PIEZO1: variants seen among roughly 807,000 people sequenced by gnomAD.
PIEZO1 encodes piezo-type mechanosensitive ion channel component 1.
A neutral mutation model predicts 297.2 loss-of-function variants in PIEZO1; 296 were observed. The observed-to-expected ratio is 1.00, with a 90% CI of 0.91 to 1.10. The LOEUF is 1.10. PIEZO1 is among the 50% of genes least tolerant of loss of function. The probability of loss-of-function intolerance (pLI) is 0.00; values close to 1 mark genes in which losing one functional copy is unlikely to be tolerated. For synonymous variants in PIEZO1, 2,427 were observed against 1,507.5 expected, an observed-to-expected ratio of 1.61 and a Z score of -14.13; for missense variants, 5,018 against 3,455.5, an observed-to-expected ratio of 1.45 and a Z score of -11.34.
At chr16:88,740,150 G>A (rs1597463536) in intron 5 of PIEZO1, 1 of 152,262 alleles carries the variant, frequency 6.6e-6, no homozygotes, top group African/African-American at 2.4e-5. Flanking sequence ...GGCACACTCC[G>A]TCGCATGCCT....
chr16:88,778,917 C>T (rs1907799095), intron 1 of PIEZO1, among the ~76,000 whole-genome samples: 1 of 152,122 alleles, frequency 6.6e-6, no homozygotes, highest in South Asian at 2.1e-4. Flanking sequence ...GGGAGAGAGA[C>T]CCAGAGAGCG....
In PIEZO1 at chr16:88,785,070, G is replaced by T. The variant is rs1046171337; in HGVS notation, c.-106C>A. On this transcript the variant is annotated 5_prime_UTR_variant, in exon 1 of 51. Coordinates refer to ENST00000301015, the MANE Select transcript of PIEZO1 (RefSeq NM_001142864.4). ...CGCCATGGCTGACCCGCGGGGACCC[G>T]CGCGCCGCCTTCTCCTCTTCCTCCT... The T allele has an allele frequency of 1.6e-6, 1 of 610,872 alleles. No individual in the cohort carries two copies. The highest frequency in any genetic ancestry group is 7.9e-5 in the South Asian group (1 of 12,690). The allele number at this position is 610,872 out of a possible 1,614,324, so 37.8% of individuals were successfully genotyped here. A position where few individuals can be genotyped will look rare whatever the true frequency, so the allele number is the denominator to read the frequency against.
rs139104943 is a variant in PIEZO1 at position 88,779,627 on chromosome 16, C to T, written c.64+5274G>A. On this transcript the variant is annotated intron_variant, in intron 1 of 50. Coordinates refer to ENST00000301015, the MANE Select transcript of PIEZO1 (RefSeq NM_001142864.4). ...GGATGCATGAATGAATCTGAGTGGT[C>T]GGGAATCTGCAGTGGGATGGGCTGG... Among the ~76,000 whole-genome samples, 924 of 152,238 alleles carry T rather than the reference C, an allele frequency of 6.1e-3. 23 individuals are homozygous for T. The highest frequency in any genetic ancestry group is 0.042 in the Admixed American group (646 of 15,296).
At chr16:88,716,994 A>T in intron 45 of PIEZO1, 29 bp downstream of exon 45, 1 of 1,549,136 alleles carries the variant, frequency 6.5e-7, no homozygotes, top group Non-Finnish European at 8.7e-7. Flanking sequence ...AGGGGATGGG[A>T]ATGGACAGGC....
chr16:88,735,313 C>T (rs1407613468), intron 12 of PIEZO1, 67 bp from the exon 13 acceptor site: 6 of 1,118,384 alleles, frequency 5.4e-6, no homozygotes, highest in South Asian at 2.7e-5. Context: ...CCGGGGGACC[C>T]AGCACCCTCC....
intron 22 of PIEZO1, among the ~76,000 whole-genome samples, chr16:88,728,940 T>C (rs1435615494): frequency 4.5e-4 from 13 of 29,100 alleles, no homozygotes; most frequent in East Asian, 1.3e-3. Flanking sequence ...CATGCTGAAC[T>C]CACAGCCCCA....
chr16:88,731,908 G>A lies in PIEZO1; in HGVS notation c.2994C>T (p.Ile998=). ...NFFFYKFGLE[I]CFLMAVNVIG... is the part of the protein sequence containing the mutation. ...TCACGTTCACGGCCATCAGGAAGCAGATCTGGGGAGGGGAGAGGGCGGGGT... is the reference window on the plus strand; with the variant it reads ...TCACGTTCACGGCCATCAGGAAGCAAATCTGGGGAGGGGAGAGGGCGGGGT... Residue 998 remains isoleucine, a splice_region_variant and synonymous_variant, in exon 22 of 51, where the codon ATC becomes ATT. Transcript: ENST00000301015. 2.1e-6 allele frequency: 2 copies of A among 960,358 alleles called. No homozygotes were observed. The highest frequency in any genetic ancestry group is 1.6e-5 in the South Asian group (1 of 60,964). 59.5% of individuals were successfully genotyped at this position (960,358 alleles called of 1,614,324 possible). A position where few individuals can be genotyped will look rare whatever the true frequency, so the allele number is the denominator to read the frequency against.
Position 88,734,916 on chromosome 16 carries a change from C to T in PIEZO1, c.1807G>A (p.Val603Ile), listed in dbSNP as rs1905102953. 6.4e-7 allele frequency: 1 copy of T among 1,550,424 alleles called. No individual in the cohort carries two copies. Among genetic ancestry groups the T allele is most frequent in the Non-Finnish European group, 8.7e-7 (1 of 1,146,974 alleles). ...CAGAGCAGGAAGAGGAACATGTAGA[C>T]AATCTTGTAGACCACGAGGCGGCCG... ...FAGRLVVYKI[V>I]YMFLFLLCLT... The change falls in exon 14 of 51, where the codon GTC (valine) becomes ATC (isoleucine). Residue 603 changes from valine (V) to isoleucine (I), a missense_variant. Coordinates refer to ENST00000301015, the MANE Select transcript of PIEZO1 (RefSeq NM_001142864.4).
chr16:88,733,690 G>C lies in PIEZO1; in HGVS notation c.2385C>G (p.Phe795Leu). Residue 795 changes from phenylalanine (F) to leucine (L), a missense_variant, in exon 18 of 51, where the codon TTC (phenylalanine) becomes TTG (leucine). Physicochemically the swap from Phe to Leu is conservative, Grantham distance 22 (BLOSUM62 0). Coordinates refer to ENST00000301015, the MANE Select transcript of PIEZO1 (RefSeq NM_001142864.4). ...AERLLELAAG[F>L]SDVLSRVQVF... Reference sequence around the variant, plus strand: ...CCTGCACGCGTGAGAGGACGTCCGAGAAGCCGGCTGCCAGCTCCAGCAGCC... The same window carrying C: ...CCTGCACGCGTGAGAGGACGTCCGACAAGCCGGCTGCCAGCTCCAGCAGCC... 1 of 1,549,206 alleles carries C rather than the reference G, an allele frequency of 6.5e-7. No individual in the cohort carries two copies. The highest frequency in any genetic ancestry group is 8.7e-7 in the Non-Finnish European group (1 of 1,146,386).
chr16:88,730,200 C>T (rs1232452278), intron 22 of PIEZO1, among the ~76,000 whole-genome samples: 2 of 152,264 alleles, frequency 1.3e-5, no homozygotes, highest in African/African-American at 2.4e-5. Context: ...CTCTAAACCT[C>T]ACGCTCCTAG....
rs1339064718 is a variant in PIEZO1, at chr16:88,749,476, C to A, written c.68G>T (p.Cys23Phe). 6.6e-7 allele frequency: 1 copy of A among 1,525,636 alleles called. No individual in the cohort carries two copies. The highest frequency in any genetic ancestry group is 1.2e-5 in the South Asian group (1 of 82,126). The allele number at this position is 1,525,636 out of a possible 1,614,324, so 94.5% of individuals were successfully genotyped here. A position where few individuals can be genotyped will look rare whatever the true frequency, so the allele number is the denominator to read the frequency against. ...CGAGAGTCCGCTGAAGCGGAGCAGG[C>A]AGGCTGCGGGGAGATGGGCGTTAAC... ...LLLPCALLAA[C>F]LLRFSGLSLV... is the part of the protein sequence containing the mutation. Residue 23 changes from cysteine (C) to phenylalanine (F), a missense_variant, in exon 2 of 51, where the codon TGC becomes TTC. Physicochemically the swap from Cys to Phe is radical, Grantham distance 205. Transcript: ENST00000301015.
chr16:88,722,524 C>A, intron 35 of PIEZO1, 59 bp downstream of exon 35: 1 of 1,439,658 alleles, frequency 6.9e-7, no homozygotes, highest in Non-Finnish European at 9.3e-7. Flanking sequence ...TCGGGGATGG[C>A]TAGGCGATGC....
At chr16:88,779,188 G>A (rs1472884032) in intron 1 of PIEZO1, among the ~76,000 whole-genome samples, 6 of 151,908 alleles carry the variant, frequency 3.9e-5, no homozygotes, top group African/African-American at 9.7e-5. Flanking sequence ...ACAGGTGCCC[G>A]CCACCATGCC....
chr16:88,741,116 G>A, intron 5 of PIEZO1: 1 of 177,218 alleles, frequency 5.6e-6, no homozygotes, highest in Non-Finnish European at 1.2e-5. Context: ...GCCTGCTGGG[G>A]CCGCCCCTTC....
chr16:88,722,791 G>A lies in PIEZO1; in HGVS notation c.4668+46C>T, dbSNP rs117952640. The stretch of plus-strand genomic sequence containing the variant: ...ACTAGGCTGTTAAGCAGGCAGGGGC[G>A]TAGTCAGGCAGAGCAGGGACGAGCG... On this transcript the variant is annotated intron_variant, in intron 34 of 50. Transcript: ENST00000301015. 0.018 allele frequency: 27,116 copies of A among 1,533,300 alleles called. 621 individuals carry two copies. Among genetic ancestry groups the A allele is most frequent in the South Asian group, 0.077 (6,459 of 83,872 alleles). 95.0% of individuals were successfully genotyped at this position (1,533,300 alleles called of 1,614,324 possible). A position where few individuals can be genotyped will look rare whatever the true frequency, so the allele number is the denominator to read the frequency against.
chr16:88,732,832 C>T, intron 19 of PIEZO1, 100 bp from the exon 20 acceptor site: 3 of 1,191,508 alleles, frequency 2.5e-6, no homozygotes, highest in Non-Finnish European at 3.5e-6. Context: ...AGGTCCACTG[C>T]TCCCCAGCCA....
At position 88,731,690 on chromosome 16, in the gene PIEZO1, G is replaced by A; in HGVS notation, c.3196+16C>T. 6.5e-7 allele frequency: 1 copy of A among 1,546,216 alleles called. No individual in the cohort carries two copies. The highest frequency in any genetic ancestry group is 8.7e-7 in the Non-Finnish European group (1 of 1,144,206). ...AGCCACAAAGCCCACTCCCACCCAA[G>A]CCACGTGCCCCTCACCAATGCACAG... is the stretch of plus-strand genomic sequence containing the variant. On this transcript the variant is annotated intron_variant, in intron 22 of 50. Coordinates refer to ENST00000301015, the MANE Select transcript of PIEZO1 (RefSeq NM_001142864.4).
chr16:88,733,631 A>C lies in PIEZO1; in HGVS notation c.2444T>G (p.Phe815Cys), dbSNP rs888324060. The C allele has an allele frequency of 6.5e-7, 1 of 1,549,554 alleles. No individual in the cohort carries two copies. ...FLRRLLELHVFKLVALYTVWV... is the reference protein window; with the variant it reads ...FLRRLLELHVCKLVALYTVWV... ...GACGGTGTACAGGGCCACCAGCTTG[A>C]AAACGTGAAGCTCCAGCAGCCGCCG... Residue 815 changes from phenylalanine to cysteine, a missense_variant, in exon 18 of 51, where the codon TTC (phenylalanine) becomes TGC (cysteine). Coordinates refer to ENST00000301015, the MANE Select transcript of PIEZO1 (RefSeq NM_001142864.4).
In PIEZO1 at chr16:88,722,108, C is replaced by G. The variant is rs1032777455; in HGVS notation, c.4956-42G>C. 3.3e-6 allele frequency: 5 copies of G among 1,530,814 alleles called. No homozygotes were observed. The African/African-American group carries it at 4.1e-5, about 13-fold the overall frequency. 94.8% of individuals were successfully genotyped at this position (1,530,814 alleles called of 1,614,324 possible). On this transcript the variant is annotated intron_variant, in intron 36 of 50. Coordinates refer to ENST00000301015, the MANE Select transcript of PIEZO1 (RefSeq NM_001142864.4). ...GTGTTTGGGGGAGTCTGGGACTGCC[C>G]GAAGGCATGACGGCCCGATCTGTTG... is the stretch of plus-strand genomic sequence containing the variant.
Sources: gnomAD v4.1 joint callset for allele counts (sites outside exome capture counted in the v4.1 genomes callset) on GRCh38, gnomAD v4.1.1 for gene constraint, MANE v1.5 for transcripts, NCBI Gene and HGNC (gene_info 2026-07-23, HGNC 2026-07-21) for gene names.